Variants in PHACTR1 observed in about 807,000 individuals in gnomAD.
PHACTR1 encodes the protein RPEL repeat containing 1.
A neutral mutation model predicts 69.2 loss-of-function variants in PHACTR1; 16 were observed. The ratio of observed to expected loss-of-function variants is 0.23; its 90% CI spans 0.16 to 0.35. PHACTR1 has a LOEUF of 0.35. Among genes scored for constraint, PHACTR1 ranks in the 10% least tolerant of loss-of-function variants. The pLI is 1.00. For synonymous variants in PHACTR1, 312 were observed against 284.5 expected (o/e 1.10, Z -0.97); for missense variants, 510 against 734.7 (o/e 0.69, Z 3.54).
chr6:12,930,878 C>G (rs958270725), intron 4 of PHACTR1, among the ~76,000 whole-genome samples: 1 of 151,794 alleles, frequency 6.6e-6, no homozygotes, highest in Non-Finnish European at 1.5e-5. Flanking sequence ...TGGTGAAACC[C>G]CATCTCTACT....
chr6:12,744,237 G>A (rs894256025), intron 3 of PHACTR1, among the ~76,000 whole-genome samples: 3 of 152,260 alleles, frequency 2.0e-5, no homozygotes, highest in East Asian at 1.9e-4. Context: ...AGGGAACCAC[G>A]CCATTCCCAT....
chr6:12,858,621 C>T (rs1027192621), intron 4 of PHACTR1, among the ~76,000 whole-genome samples: 2 of 151,840 alleles, frequency 1.3e-5, no homozygotes, highest in Non-Finnish European at 2.9e-5. Context: ...AGTGAGACCC[C>T]CATCTCTACA....
intron 4 of PHACTR1, among the ~76,000 whole-genome samples, chr6:12,758,759 A>G (rs1423248907): frequency 6.6e-6 from 1 of 152,176 alleles, no homozygotes; most frequent in Non-Finnish European, 1.5e-5. Flanking sequence ...ATGGGGTCAC[A>G]TTTAAAGCTG....
intron 8 of PHACTR1, among the ~76,000 whole-genome samples, chr6:13,227,169 C>A (rs1002482001): frequency 1.3e-5 from 2 of 152,198 alleles, no homozygotes; most frequent in African/African-American, 4.8e-5. Flanking sequence ...ACCTGTGGCT[C>A]CCTGTGGGAG....
chr6:12,839,198 T>G (rs1778453501), intron 4 of PHACTR1, among the ~76,000 whole-genome samples: 1 of 152,166 alleles, frequency 6.6e-6, no homozygotes, highest in Non-Finnish European at 1.5e-5. Flanking sequence ...AATAGGGAAC[T>G]TGAAGATGCA....
intron 7 of PHACTR1, among the ~76,000 whole-genome samples, chr6:13,197,177 TCTC>T (rs1483715441): frequency 1.3e-5 from 2 of 152,210 alleles, no homozygotes; most frequent in Non-Finnish European, 2.9e-5. Context: ...CATTTGCTGA[TCTC>T]CTCTGATGCA....
At chr6:12,740,534 T>A (rs1284972696) in intron 3 of PHACTR1, among the ~76,000 whole-genome samples, 2 of 152,174 alleles carry the variant, frequency 1.3e-5, no homozygotes, top group African/African-American at 4.8e-5. Context: ...TGAAAATCAT[T>A]TTTTGTATTA....
chr6:13,208,886 G>A (rs994267496), intron 8 of PHACTR1, among the ~76,000 whole-genome samples: 1 of 151,428 alleles, frequency 6.6e-6, no homozygotes, highest in Admixed American at 6.6e-5. Context: ...GAATTTTGGT[G>A]GGGGCAGGGT....
intron 4 of PHACTR1, among the ~76,000 whole-genome samples, chr6:12,887,396 T>C (rs1050757178): frequency 6.6e-5 from 10 of 152,200 alleles, no homozygotes; most frequent in African/African-American, 2.4e-4. Flanking sequence ...GCAGCTCACA[T>C]GCCCCTGTTC....
chr6:13,090,115 C>T (rs904024586), intron 5 of PHACTR1, among the ~76,000 whole-genome samples: 51 of 152,186 alleles, frequency 3.4e-4, no homozygotes, highest in Admixed American at 3.3e-3. Context: ...AGTGTAATGG[C>T]GCGATCTCGG....
chr6:13,130,760 C>T (rs1026592752), intron 5 of PHACTR1, among the ~76,000 whole-genome samples: 8 of 152,116 alleles, frequency 5.3e-5, no homozygotes, highest in African/African-American at 1.9e-4. Flanking sequence ...CTTACTGAAA[C>T]TATTCCAAAA....
chr6:13,109,608 G>A (rs757764288), intron 5 of PHACTR1, among the ~76,000 whole-genome samples: 1 of 151,910 alleles, frequency 6.6e-6, no homozygotes, highest in Non-Finnish European at 1.5e-5. Context: ...ATGCATTGGA[G>A]TCATTTTCTT....
At chr6:12,736,774 C>T (rs542331106) in intron 3 of PHACTR1, among the ~76,000 whole-genome samples, 7 of 152,110 alleles carry the variant, frequency 4.6e-5, no homozygotes, top group Non-Finnish European at 8.8e-5. Context: ...TACATATGTA[C>T]TCTTCTCAGA....
intron 4 of PHACTR1, among the ~76,000 whole-genome samples, chr6:12,816,824 G>T (rs947102603): frequency 2.6e-5 from 4 of 152,102 alleles, no homozygotes; most frequent in African/African-American, 9.7e-5. Context: ...AAATTATCAG[G>T]ACAATATTTA....
chr6:12,888,646 C>T (rs1021482414), intron 4 of PHACTR1, among the ~76,000 whole-genome samples: 1 of 152,134 alleles, frequency 6.6e-6, no homozygotes, highest in African/African-American at 2.4e-5. Context: ...GTTTTGCACT[C>T]TAAGAAAGAA....
intron 3 of PHACTR1, among the ~76,000 whole-genome samples, chr6:12,730,155 A>T (rs1164355657): frequency 1.3e-5 from 2 of 152,226 alleles, no homozygotes; most frequent in African/African-American, 4.8e-5. Flanking sequence ...ATTCCTTGGT[A>T]ACTCCTAAAA....
Position 13,180,072 on chromosome 6 carries a change from G to C in PHACTR1, c.497-2447G>C, listed in dbSNP as rs185784817. The stretch of plus-strand genomic sequence containing the variant: ...CTAGCCAAGTAAATATTGATATATA[G>C]TCATCCAGTATAATCATTAAGATGA... On this transcript the variant is annotated intron_variant, in intron 6 of 14. Transcript: ENST00000332995. Among the ~76,000 whole-genome samples the C allele has an allele frequency of 2.8e-3, 423 of 152,250 alleles. 3 individuals are homozygous for C. The highest frequency in any genetic ancestry group is 8.8e-3 in the African/African-American group (365 of 41,538).
At chr6:13,191,059 T>C (rs1043312922) in intron 7 of PHACTR1, among the ~76,000 whole-genome samples, 3 of 152,174 alleles carry the variant, frequency 2.0e-5, no homozygotes, top group Admixed American at 2.0e-4. Context: ...TCTCTGTTTT[T>C]CTCTGATGCT....
chr6:12,749,922 G>C, intron 4 of PHACTR1, 132 bp downstream of exon 4: 1 of 830,890 alleles, frequency 1.2e-6, no homozygotes, highest in Non-Finnish European at 1.8e-6. Context: ...CGCGCTCTTT[G>C]TGTCTCCGGT....
Sources: gnomAD v4.1 joint callset for allele counts (sites outside exome capture counted in the v4.1 genomes callset) on GRCh38, gnomAD v4.1.1 for gene constraint, MANE v1.5 for transcripts, NCBI Gene and HGNC (gene_info 2026-07-23, HGNC 2026-07-21) for gene names.